Variants in ZNF618 observed in about 807,000 individuals in gnomAD.
ZNF618 encodes zinc finger protein 618, also known as neural precursor cell expressed, developmentally down-regulated 10.
Under a neutral mutation model 103.0 loss-of-function variants are expected in ZNF618, and 34 were observed. The observed-to-expected ratio is 0.33, with a 90% CI of 0.25 to 0.44. The LOEUF (loss-of-function observed/expected upper bound fraction) is 0.44. Among genes scored for constraint, ZNF618 ranks in the 20% least tolerant of loss-of-function variants. ZNF618 has a pLI of 1.00. For synonymous variants in ZNF618, 551 were observed against 542.2 expected, an observed-to-expected ratio of 1.02 and a Z score of -0.23; for missense variants, 1,059 against 1,295.4, an observed-to-expected ratio of 0.82 and a Z score of 2.80.
At chr9:113,901,617 C>T (rs1830558138) in intron 1 of ZNF618, among the ~76,000 whole-genome samples, 2 of 152,192 alleles carry the variant, frequency 1.3e-5, no homozygotes, top group African/African-American at 2.4e-5. Flanking sequence ...TGGCCAGAGT[C>T]CCCATTCTAG....
At chr9:113,938,165 G>GTT (rs770850585) in intron 1 of ZNF618, among the ~76,000 whole-genome samples, 2,091 of 95,408 alleles carry the variant, frequency 0.022, 82 homozygotes, top group Non-Finnish European at 0.026. Context: ...TCAGGCTCCT[G>GTT]TTTTTTTTTT....
chr9:114,038,694 A>G (rs1219484561), intron 13 of ZNF618, among the ~76,000 whole-genome samples: 2 of 152,280 alleles, frequency 1.3e-5, no homozygotes, highest in East Asian at 3.9e-4. Context: ...AATAATACCA[A>G]AGATAGCTAC....
chr9:114,016,341 C>T (rs1346963431), intron 9 of ZNF618, among the ~76,000 whole-genome samples: 1 of 152,046 alleles, frequency 6.6e-6, no homozygotes, highest in African/African-American at 2.4e-5. Flanking sequence ...TGTTGGAGGT[C>T]AGCACACTTC....
intron 1 of ZNF618, among the ~76,000 whole-genome samples, chr9:113,894,803 T>C (rs1829900518): frequency 6.6e-6 from 1 of 152,220 alleles, no homozygotes; most frequent in Non-Finnish European, 1.5e-5. Context: ...TATGTGATTG[T>C]TAAGTTAGTG....
intron 2 of ZNF618, among the ~76,000 whole-genome samples, chr9:113,977,454 T>C (rs1838585117): frequency 1.3e-5 from 2 of 152,158 alleles, no homozygotes; most frequent in Non-Finnish European, 2.9e-5. Flanking sequence ...CCTCGCTCTT[T>C]AGTGGTTGAG....
intron 9 of ZNF618, among the ~76,000 whole-genome samples, chr9:114,015,010 A>G (rs1842543330): frequency 6.6e-6 from 1 of 152,232 alleles, no homozygotes; most frequent in Non-Finnish European, 1.5e-5. Flanking sequence ...GGAAAGATTT[A>G]TCACAATATT....
At chr9:113,969,303 T>G (rs771045805) in intron 2 of ZNF618, 143 bp downstream of exon 2, 29 of 1,002,758 alleles carry the variant, frequency 2.9e-5, no homozygotes, top group Non-Finnish European at 4.2e-5. Context: ...GTATCCAGAC[T>G]TCCCCAAAGA....
chr9:113,915,009 G>A (rs1305106231), intron 1 of ZNF618, among the ~76,000 whole-genome samples: 1 of 152,198 alleles, frequency 6.6e-6, no homozygotes, highest in Non-Finnish European at 1.5e-5. Context: ...GGCACAGTTA[G>A]CATAAAATTG....
intron 10 of ZNF618, among the ~76,000 whole-genome samples, chr9:114,017,706 G>T (rs189252972): frequency 1.3e-5 from 2 of 152,280 alleles, no homozygotes; most frequent in Admixed American, 6.5e-5. Context: ...TCTGTGGATG[G>T]GAAGACTTTG....
intron 2 of ZNF618, among the ~76,000 whole-genome samples, chr9:113,970,127 T>G (rs1837809444): frequency 6.6e-6 from 1 of 152,188 alleles, no homozygotes; most frequent in Non-Finnish European, 1.5e-5. Context: ...GCTGTGAGAC[T>G]TTCCAGATCT....
chr9:114,023,021 T>C (rs896923266), intron 10 of ZNF618, among the ~76,000 whole-genome samples: 4 of 152,112 alleles, frequency 2.6e-5, no homozygotes, highest in African/African-American at 9.7e-5. Context: ...TCTACCTTTA[T>C]CTTTGTATTT....
chr9:114,022,035 A>G (rs1480009411), intron 10 of ZNF618, among the ~76,000 whole-genome samples: 1 of 152,144 alleles, frequency 6.6e-6, no homozygotes, highest in Non-Finnish European at 1.5e-5. Flanking sequence ...TCTGGAGCTA[A>G]TACAAATAAA....
At chr9:113,972,936 G>A (rs1422090135) in intron 2 of ZNF618, among the ~76,000 whole-genome samples, 1 of 152,226 alleles carries the variant, frequency 6.6e-6, no homozygotes, top group East Asian at 1.9e-4. Flanking sequence ...AGGTATGGTG[G>A]CACACACCTG....
At chr9:113,934,989 C>T (rs1357006349) in intron 1 of ZNF618, among the ~76,000 whole-genome samples, 3 of 152,212 alleles carry the variant, frequency 2.0e-5, no homozygotes, top group African/African-American at 2.4e-5. Context: ...GCCCAGGGTC[C>T]CTCACAAGCC....
At chr9:113,953,127 G>A (rs1188366169) in intron 1 of ZNF618, among the ~76,000 whole-genome samples, 1 of 152,186 alleles carries the variant, frequency 6.6e-6, no homozygotes, top group Non-Finnish European at 1.5e-5. Flanking sequence ...TTCCCCAAGA[G>A]CCTCTTAGAA....
intron 1 of ZNF618, among the ~76,000 whole-genome samples, chr9:113,927,050 C>G (rs534518575): frequency 6.6e-6 from 1 of 152,102 alleles, no homozygotes; most frequent in Non-Finnish European, 1.5e-5. Flanking sequence ...ATTCCCAAGT[C>G]TATGTCATAT....
intron 13 of ZNF618, among the ~76,000 whole-genome samples, chr9:114,041,702 G>A (rs1368507677): frequency 6.6e-6 from 1 of 152,078 alleles, no homozygotes; most frequent in African/African-American, 2.4e-5. Context: ...CTGTTTTGGT[G>A]CCAGTACCAT....
At chr9:114,039,092 G>T (rs574515692) in intron 13 of ZNF618, among the ~76,000 whole-genome samples, 2 of 152,126 alleles carry the variant, frequency 1.3e-5, no homozygotes, top group Non-Finnish European at 2.9e-5. Flanking sequence ...TCCAGTTCTC[G>T]CAGTGAACTC....
In ZNF618 at chr9:114,050,475, C is replaced by CACACA; in HGVS notation, c.*308_*309insACACA. ...ACACACACACACACACACACACACA[C>CACACA]GACCCTGGTGCGTGTACATACGCCT... On this transcript the variant is annotated 3_prime_UTR_variant, in exon 15 of 15. Coordinates refer to ENST00000374126, the MANE Select transcript of ZNF618 (RefSeq NM_001318042.2). 2 of 271,994 alleles carry CACACA rather than the reference C, an allele frequency of 7.4e-6. No individual in the cohort carries two copies. The highest frequency in any genetic ancestry group is 1.4e-5 in the Non-Finnish European group (2 of 146,008). The allele number at this position is 271,994 out of a possible 1,614,324, so 16.8% of individuals were successfully genotyped here. A position where few individuals can be genotyped will look rare whatever the true frequency, so the allele number is the denominator to read the frequency against.
Sources: gnomAD v4.1 joint callset for allele counts (sites outside exome capture counted in the v4.1 genomes callset) on GRCh38, gnomAD v4.1.1 for gene constraint, MANE v1.5 for transcripts, NCBI Gene and HGNC (gene_info 2026-07-23, HGNC 2026-07-21) for gene names.